Variants in ARHGAP20 observed in about 807,000 individuals in gnomAD.
The protein encoded by ARHGAP20 is Rho GTPase activating protein 20, also known as rho GTPase-activating protein 20.
A neutral mutation model predicts 73.7 loss-of-function variants in ARHGAP20; 34 were observed. That is an observed-to-expected ratio of 0.46 (90% CI 0.35 to 0.61). The LOEUF is 0.61. Among genes scored for constraint, ARHGAP20 ranks in the 20% least tolerant of loss-of-function variants. The probability of loss-of-function intolerance (pLI) is 0.00; values close to 1 mark genes in which losing one functional copy is unlikely to be tolerated. For missense variants in ARHGAP20, 1,314 were observed against 1,420.9 expected (o/e 0.92, Z 1.21); for synonymous variants, 523 against 518.2 (o/e 1.01, Z -0.13).
At position 110,712,410 on chromosome 11, in the gene ARHGAP20, C is replaced by G. The variant is rs1251152413; in HGVS notation, c.-179G>C. 6.0e-6 allele frequency: 2 copies of G among 334,186 alleles called. No homozygotes were observed. The highest frequency in any genetic ancestry group is 1.0e-4 in the Admixed American group (2 of 19,208). 20.7% of individuals were successfully genotyped at this position (334,186 alleles called of 1,614,324 possible). A position where few individuals can be genotyped will look rare whatever the true frequency, so the allele number is the denominator to read the frequency against. On this transcript the variant is annotated 5_prime_UTR_variant, in exon 1 of 15. Transcript: ENST00000683387. ...TCGGGGCCATGTACCTCCGCCTGCGCTCGACACCGCGGGCTGGAGGCGAGT... is the reference window on the plus strand; with the variant it reads ...TCGGGGCCATGTACCTCCGCCTGCGGTCGACACCGCGGGCTGGAGGCGAGT...
chr11:110,704,841 C>T (rs193294407), intron 1 of ARHGAP20, among the ~76,000 whole-genome samples: 1 of 152,252 alleles, frequency 6.6e-6, no homozygotes. Context: ...AGCAACTTTC[C>T]CTTCACTTAA....
upstream of ARHGAP20, chr11:110,712,672 A>T (rs547943070): frequency 1.6e-4 from 25 of 152,730 alleles, no homozygotes; most frequent in African/African-American, 6.0e-4. Context: ...TGCAGCCCGC[A>T]GGAGCTCATC....
chr11:110,579,715 A>G lies in ARHGAP20; in HGVS notation c.3231T>C (p.Ala1077=), dbSNP rs770247166. 2.7e-5 allele frequency: 44 copies of G among 1,614,192 alleles called. No homozygotes were observed. The Middle Eastern group carries it at 8.2e-4, about 30-fold the overall frequency. The stretch of plus-strand genomic sequence containing the variant: ...GTGAGTTGGCTTCTGGAACACCAGA[A>G]GCATGTGGGGGTGGCTCTAAGGGTC... The part of the protein sequence containing the change: ...PKGPLEPPPH[A]SGVPEANSLQ... Residue 1077 remains alanine, a synonymous_variant, in exon 15 of 15, where the codon GCT becomes GCC. Transcript: ENST00000683387.
At chr11:110,642,673 T>G (rs1375087642) in intron 2 of ARHGAP20, among the ~76,000 whole-genome samples, 1 of 152,180 alleles carries the variant, frequency 6.6e-6, no homozygotes, top group Admixed American at 6.5e-5. Context: ...GATTTGCTGT[T>G]GGATTTGGTT....
chr11:110,711,969 C>A lies in ARHGAP20; in HGVS notation c.105+158G>T, dbSNP rs1950670370. 4 of 1,253,056 alleles carry A rather than the reference C, an allele frequency of 3.2e-6. No homozygotes were observed. In the South Asian group the frequency reaches 1.4e-4, roughly 44 times the overall value. 77.6% of individuals were successfully genotyped at this position (1,253,056 alleles called of 1,614,324 possible). ...CGGCGCTGCCGCTGGCCGTCAAGGGCGGGAAGTGTTCTGGGACTCTCATTA... is the reference window on the plus strand; with the variant it reads ...CGGCGCTGCCGCTGGCCGTCAAGGGAGGGAAGTGTTCTGGGACTCTCATTA... On this transcript the variant is annotated intron_variant, in intron 1 of 14. Transcript: ENST00000683387.
rs771316747 is a variant in ARHGAP20 at position 110,614,561 on chromosome 11, G to A, written c.630C>T (p.Tyr210=). ...IFAKDIGNCA[Y]SKTITVMNSD... is the part of the protein sequence containing the mutation. ...AATTTTCTGGCTTAGAAACACTTAC[G>A]TAGGCACAATTCCCAATGTCCTTGG... The change falls in exon 6 of 15, where the codon TAC becomes TAT. Residue 210 remains tyrosine (Y), a splice_region_variant and synonymous_variant. Coordinates refer to ENST00000683387, the MANE Select transcript of ARHGAP20 (RefSeq NM_001384657.1). 18 of 1,611,470 alleles carry A rather than the reference G, an allele frequency of 1.1e-5. No individual in the cohort carries two copies. Among genetic ancestry groups the A allele is most frequent in the Non-Finnish European group, 1.3e-5 (15 of 1,177,890 alleles).
At position 110,580,310 on chromosome 11, in the gene ARHGAP20, T is replaced by G; in HGVS notation, c.2636A>C (p.His879Pro). 1 of 1,614,232 alleles carries G rather than the reference T, an allele frequency of 6.2e-7. No homozygotes were observed. The highest frequency in any genetic ancestry group is 1.1e-5 in the South Asian group (1 of 91,080). ...CCGTTTGAGATAATCCTCCTCTCCA[T>G]GCAAGAGACCAGCTTCACAGCTGGT... The part of the protein sequence containing the change: ...HKTSCEAGLL[H>P]GEEDYLKRHK... The change falls in exon 15 of 15, where the codon CAT (histidine) becomes CCT (proline). Residue 879 changes from histidine (H) to proline (P), a missense_variant. Physicochemically the swap from His to Pro is moderately conservative, Grantham distance 77 (BLOSUM62 -2). Around this residue, in one of 3 missense-constraint regions of ARHGAP20, gnomAD observed 641 missense variants for 636.9 expected, o/e 1.01. Coordinates refer to ENST00000683387, the MANE Select transcript of ARHGAP20 (RefSeq NM_001384657.1).
At chr11:110,650,060 T>G (rs914213193) in intron 2 of ARHGAP20, among the ~76,000 whole-genome samples, 1 of 152,168 alleles carries the variant, frequency 6.6e-6, no homozygotes, top group Admixed American at 6.6e-5. Flanking sequence ...AGTATCTGAC[T>G]CATAATGGGT....
intron 2 of ARHGAP20, among the ~76,000 whole-genome samples, chr11:110,683,316 T>A (rs1950071544): frequency 6.6e-6 from 1 of 152,094 alleles, no homozygotes; most frequent in Admixed American, 6.6e-5. Flanking sequence ...CTGCATGAAA[T>A]TACTTCCTAA....
At chr11:110,681,032 T>TTAA (rs1036518253) in intron 2 of ARHGAP20, among the ~76,000 whole-genome samples, 27 of 152,154 alleles carry the variant, frequency 1.8e-4, no homozygotes, top group Non-Finnish European at 2.1e-4. Flanking sequence ...AATCTTCAAG[T>TTAA]ATTAAATTTC....
Position 110,579,948 on chromosome 11 carries a change from C to T in ARHGAP20, c.2998G>A (p.Gly1000Arg), listed in dbSNP as rs199551649. ...PDFSNASHVS[G>R]MPGPSSGQAC... is the part of the protein sequence containing the mutation. ...TGCCCTGATGAGGGACCGGGCATTC[C>T]GGAAACATGGCTGGCATTGCTAAAG... Residue 1000 changes from glycine to arginine, a missense_variant, in exon 15 of 15, where the codon GGA becomes AGA. By Grantham distance (125) the Gly-to-Arg change is moderately radical. Around this residue, in one of 3 missense-constraint regions of ARHGAP20, gnomAD observed 641 missense variants for 636.9 expected, o/e 1.01. Transcript: ENST00000683387. 3.1e-4 allele frequency: 496 copies of T among 1,614,208 alleles called. No homozygotes were observed. Among genetic ancestry groups the T allele is most frequent in the Middle Eastern group, 1.3e-3 (8 of 6,058 alleles).
chr11:110,658,474 T>C (rs1949523317), intron 2 of ARHGAP20, among the ~76,000 whole-genome samples: 1 of 152,146 alleles, frequency 6.6e-6, no homozygotes, highest in Admixed American at 6.5e-5. Context: ...AGAATATATA[T>C]TTAAAAGTAG....
At chr11:110,590,283 A>G (rs544385091) in intron 11 of ARHGAP20, among the ~76,000 whole-genome samples, 3 of 152,310 alleles carry the variant, frequency 2.0e-5, no homozygotes, top group Non-Finnish European at 4.4e-5. Flanking sequence ...AACTGCCTTC[A>G]TTAAGAAGGT....
intron 9 of ARHGAP20, among the ~76,000 whole-genome samples, chr11:110,596,973 G>T (rs1947980417): frequency 6.6e-6 from 1 of 151,916 alleles, no homozygotes. Flanking sequence ...AAAAAAGGAT[G>T]AGTTCATGTC....
chr11:110,604,020 T>C (rs1220007991), intron 9 of ARHGAP20, among the ~76,000 whole-genome samples: 1 of 152,188 alleles, frequency 6.6e-6, no homozygotes. Flanking sequence ...CATAAAATTG[T>C]ACTCAATTGT....
At position 110,579,518 on chromosome 11, in the gene ARHGAP20, A is replaced by G; in HGVS notation, c.3428T>C (p.Ile1143Thr). Reference sequence around the variant, plus strand: ...AGAAGAGCTCTGACTACCAGGCTCTATTTCCTCATGTGACTTCATGCACAG... The same window carrying G: ...AGAAGAGCTCTGACTACCAGGCTCTGTTTCCTCATGTGACTTCATGCACAG... Reference protein sequence around the residue: ...LKLCMKSHEEIEPGSQSSSGS... With the variant: ...LKLCMKSHEETEPGSQSSSGS... The change falls in exon 15 of 15, where the codon ATA (isoleucine) becomes ACA (threonine). Residue 1143 changes from isoleucine to threonine, a missense_variant. Ile to Thr is a moderately conservative substitution (Grantham distance 89). This residue lies in a region of ARHGAP20 where 641 missense variants were observed against 636.9 expected (regional missense o/e 1.01). Transcript: ENST00000683387. 1.9e-6 allele frequency: 3 copies of G among 1,614,130 alleles called. No individual in the cohort carries two copies. Among genetic ancestry groups the G allele is most frequent in the East Asian group, 2.2e-5 (1 of 44,862 alleles).
At chr11:110,675,500 A>G (rs1466614739) in intron 2 of ARHGAP20, among the ~76,000 whole-genome samples, 1 of 152,096 alleles carries the variant, frequency 6.6e-6, no homozygotes, top group Non-Finnish European at 1.5e-5. Flanking sequence ...GGAGTTGTGG[A>G]GGAGGAGGAA....
chr11:110,586,120 A>G (rs1278181321), intron 12 of ARHGAP20, 96 bp downstream of exon 12: 5 of 599,452 alleles, frequency 8.3e-6, no homozygotes, highest in Non-Finnish European at 1.3e-5. Context: ...ACTGGTCCAC[A>G]TGGATATGAC....
chr11:110,680,077 A>C (rs1216142585), intron 2 of ARHGAP20, among the ~76,000 whole-genome samples: 1 of 152,158 alleles, frequency 6.6e-6, no homozygotes, highest in Non-Finnish European at 1.5e-5. Flanking sequence ...GGAGACCCTA[A>C]AGATTTATAT....
Sources: gnomAD v4.1 joint callset for allele counts (sites outside exome capture counted in the v4.1 genomes callset) on GRCh38, gnomAD v4.1.1 for gene constraint, gnomAD v4.1.1 regional missense constraint, MANE v1.5 for transcripts, NCBI Gene and HGNC (gene_info 2026-07-23, HGNC 2026-07-21) for gene names.